The following EPHA6 variants were observed in gnomAD, a reference collection of about 807,000 sequenced individuals.
The protein encoded by EPHA6 is ephrin type-A receptor 6.
Under a neutral mutation model 112.0 loss-of-function variants are expected in EPHA6, and 50 were observed. The ratio of observed to expected loss-of-function variants is 0.45; its 90% CI spans 0.36 to 0.56. The LOEUF is 0.56. Among genes scored for constraint, EPHA6 ranks in the 20% least tolerant of loss-of-function variants. The pLI is 0.00. For synonymous variants in EPHA6, 529 were observed against 490.7 expected (o/e 1.08, Z -1.03); for missense variants, 1,280 against 1,417.4 (o/e 0.90, Z 1.56).
intron 2 of EPHA6, among the ~76,000 whole-genome samples, chr3:96,947,279 G>T (rs1453538098): frequency 6.6e-6 from 1 of 152,104 alleles, no homozygotes; most frequent in Non-Finnish European, 1.5e-5. Flanking sequence ...GAATGGTATT[G>T]CCTAGGTTTT....
chr3:97,247,851 A>C (rs2079028036), intron 5 of EPHA6, among the ~76,000 whole-genome samples: 1 of 152,006 alleles, frequency 6.6e-6, no homozygotes, highest in African/African-American at 2.4e-5. Context: ...TACTTACATG[A>C]GTATGGAAAA....
intron 5 of EPHA6, among the ~76,000 whole-genome samples, chr3:97,354,507 T>A (rs1400836216): frequency 1.3e-5 from 2 of 151,916 alleles, no homozygotes; most frequent in East Asian, 1.9e-4. Context: ...GCAGAATTGA[T>A]CAAGCAGAAG....
Position 97,720,314 on chromosome 3 carries a change from A to T in EPHA6, c.2838A>T (p.Lys946Asn), listed in dbSNP as rs769347922. Residue 946 changes from lysine to asparagine, a missense_variant, in exon 15 of 18, where the codon AAA becomes AAT. Transcript: ENST00000389672. ...CCCCAGAAGCCATCGCCTACAGAAA[A>T]TTCTCCTCAGCAAGCGATGCATGGA... ...WTAPEAIAYR[K>N]FSSASDAWSY... 6.2e-7 allele frequency: 1 copy of T among 1,610,710 alleles called. No homozygotes were observed. The highest frequency in any genetic ancestry group is 8.5e-7 in the Non-Finnish European group (1 of 1,178,614).
At chr3:97,359,493 G>T (rs1239521718) in intron 5 of EPHA6, among the ~76,000 whole-genome samples, 15 of 141,090 alleles carry the variant, frequency 1.1e-4, no homozygotes, top group Non-Finnish European at 1.5e-4. Flanking sequence ...TTAGTTTTTT[G>T]AAAATCTTTT....
intron 2 of EPHA6, among the ~76,000 whole-genome samples, chr3:96,922,155 A>G (rs573258808): frequency 6.6e-6 from 1 of 152,328 alleles, no homozygotes; most frequent in East Asian, 1.9e-4. Context: ...AATTAAAAAC[A>G]TCTATGTTCA....
chr3:97,746,705 T>C (rs1420175106), intron 16 of EPHA6, among the ~76,000 whole-genome samples: 1 of 151,934 alleles, frequency 6.6e-6, no homozygotes, highest in Non-Finnish European at 1.5e-5. Context: ...AAGATTGCTA[T>C]ATCATTGCCT....
intron 5 of EPHA6, among the ~76,000 whole-genome samples, chr3:97,296,401 G>A (rs1038821586): frequency 2.0e-5 from 3 of 152,152 alleles, no homozygotes; most frequent in Middle Eastern, 3.2e-3. Context: ...CTGGTGATGC[G>A]GATGGGTACA....
intron 2 of EPHA6, among the ~76,000 whole-genome samples, chr3:96,979,487 T>G (rs1187902312): frequency 6.6e-6 from 1 of 152,156 alleles, no homozygotes; most frequent in Non-Finnish European, 1.5e-5. Context: ...TCTTTGCTAT[T>G]GTGAATAGTG....
At chr3:97,526,824 C>A (rs2092627647) in intron 10 of EPHA6, among the ~76,000 whole-genome samples, 1 of 151,934 alleles carries the variant, frequency 6.6e-6, no homozygotes, top group Non-Finnish European at 1.5e-5. Context: ...CCCTTCAGGA[C>A]CTGCTGTGGG....
intron 3 of EPHA6, among the ~76,000 whole-genome samples, chr3:97,147,924 T>C (rs2076082314): frequency 1.3e-5 from 2 of 152,100 alleles, no homozygotes; most frequent in South Asian, 2.1e-4. Context: ...TAATATCCAT[T>C]TTTTAGTTTT....
chr3:97,759,910 G>A lies in EPHA6; in HGVS notation c.*11209G>A. 5.0e-6 allele frequency: 1 copy of A among 198,534 alleles called. No individual in the cohort carries two copies. The highest frequency in any genetic ancestry group is 7.8e-5 in the East Asian group (1 of 12,870). The allele number at this position is 198,534 out of a possible 1,614,324, so 12.3% of individuals were successfully genotyped here. On this transcript the variant is annotated 3_prime_UTR_variant, in exon 18 of 18. Transcript: ENST00000389672. Reference sequence around the variant, plus strand: ...AAACTTTGAATTCTGTGGTTTCCAAGGACTCTGGTAAGAGTCCTTTCCATA... The same window carrying A: ...AAACTTTGAATTCTGTGGTTTCCAAAGACTCTGGTAAGAGTCCTTTCCATA...
intron 15 of EPHA6, among the ~76,000 whole-genome samples, chr3:97,732,956 A>G (rs1451287971): frequency 6.6e-6 from 1 of 152,042 alleles, no homozygotes; most frequent in African/African-American, 2.4e-5. Flanking sequence ...TTTATAAGCC[A>G]GAGGTCAGCA....
At chr3:96,890,053 C>A (rs2037862992) in intron 2 of EPHA6, among the ~76,000 whole-genome samples, 1 of 150,604 alleles carries the variant, frequency 6.6e-6, no homozygotes. Flanking sequence ...CTGAAAGATG[C>A]AATTATAAAG....
chr3:97,309,145 T>C (rs569059191), intron 5 of EPHA6, among the ~76,000 whole-genome samples: 1 of 151,832 alleles, frequency 6.6e-6, no homozygotes, highest in South Asian at 2.1e-4. Context: ...TGTAAAATTT[T>C]AGTCAACTTA....
At chr3:97,251,562 A>G (rs1217626776) in intron 5 of EPHA6, among the ~76,000 whole-genome samples, 2 of 152,142 alleles carry the variant, frequency 1.3e-5, no homozygotes, top group Non-Finnish European at 2.9e-5. Context: ...TTACTTTCAA[A>G]GTGGATGGAT....
chr3:97,172,249 T>A (rs537128199), intron 3 of EPHA6, among the ~76,000 whole-genome samples: 3 of 152,198 alleles, frequency 2.0e-5, no homozygotes, highest in Non-Finnish European at 2.9e-5. Flanking sequence ...ATATCTTACC[T>A]ATTTTCTGTC....
intron 3 of EPHA6, among the ~76,000 whole-genome samples, chr3:97,015,670 C>T (rs1027731519): frequency 2.0e-5 from 3 of 151,942 alleles, no homozygotes; most frequent in African/African-American, 7.3e-5. Flanking sequence ...ACAAATATAA[C>T]AGAGTGGAAG....
At chr3:97,042,308 G>A (rs1329674386) in intron 3 of EPHA6, among the ~76,000 whole-genome samples, 7 of 152,040 alleles carry the variant, frequency 4.6e-5, no homozygotes, top group Non-Finnish European at 1.0e-4. Flanking sequence ...TTGCTGTTAC[G>A]TGCCTGCTTC....
intron 1 of EPHA6, among the ~76,000 whole-genome samples, chr3:96,822,064 G>A (rs1258626007): frequency 6.6e-6 from 1 of 151,892 alleles, no homozygotes; most frequent in Non-Finnish European, 1.5e-5. Flanking sequence ...TTTGTAAATT[G>A]CTTCACAAGA....
Sources: allele counts gnomAD v4.1 joint callset (sites outside exome capture counted in the v4.1 genomes callset), GRCh38; gene constraint gnomAD v4.1.1; transcripts MANE v1.5; gene names NCBI Gene and HGNC (gene_info 2026-07-23, HGNC 2026-07-21).